DOCK10: variants seen among roughly 807,000 people sequenced by gnomAD.
The protein encoded by DOCK10 is dedicator of cytokinesis 10.
A neutral mutation model predicts 280.1 loss-of-function variants in DOCK10; 145 were observed. That is an observed-to-expected ratio of 0.52 (90% confidence interval 0.45 to 0.59). DOCK10 has a LOEUF of 0.59. DOCK10 is among the 20% of genes least tolerant of loss of function. The pLI, the probability that DOCK10 is intolerant of heterozygous loss-of-function variation, is 0.00. For missense variants in DOCK10, 2,368 were observed against 2,651.7 expected (o/e 0.89, Z 2.35); for synonymous variants, 915 against 942.2 (o/e 0.97, Z 0.53).
chr2:224,911,415 C>T (rs1304768035), intron 3 of DOCK10, among the ~76,000 whole-genome samples: 1 of 152,164 alleles, frequency 6.6e-6, no homozygotes, highest in East Asian at 1.9e-4. Context: ...CTCTGGGAAC[C>T]CTAGAATAGT....
intron 4 of DOCK10, among the ~76,000 whole-genome samples, chr2:224,886,735 T>C (rs1699307019): frequency 6.6e-6 from 1 of 152,224 alleles, no homozygotes; most frequent in South Asian, 2.1e-4. Context: ...TATAAATCTC[T>C]ATTTTAAACC....
chr2:225,000,225 GACACAC>G (rs10531607), intron 1 of DOCK10, among the ~76,000 whole-genome samples: 5 of 144,550 alleles, frequency 3.5e-5, no homozygotes, highest in African/African-American at 1.1e-4. Context: ...CACACACACA[GACACAC>G]ACACACACAC....
At chr2:224,918,195 G>C (rs1182047116) in intron 2 of DOCK10, among the ~76,000 whole-genome samples, 1 of 152,174 alleles carries the variant, frequency 6.6e-6, no homozygotes, top group Non-Finnish European at 1.5e-5. Context: ...TGTAAGTGCA[G>C]GACATTTTAT....
chr2:224,962,995 C>T (rs1704535241), intron 1 of DOCK10, among the ~76,000 whole-genome samples: 1 of 151,968 alleles, frequency 6.6e-6, no homozygotes, highest in Non-Finnish European at 1.5e-5. Flanking sequence ...TGTATATAAA[C>T]CCTGGTTACT....
chr2:224,772,140 C>T (rs940391605), intron 53 of DOCK10, among the ~76,000 whole-genome samples: 7 of 151,864 alleles, frequency 4.6e-5, no homozygotes, highest in African/African-American at 1.5e-4. Flanking sequence ...AGGCTGGTCT[C>T]GAACTCTTGA....
At chr2:224,972,556 A>G (rs1705150496) in intron 1 of DOCK10, among the ~76,000 whole-genome samples, 1 of 152,188 alleles carries the variant, frequency 6.6e-6, no homozygotes, top group Non-Finnish European at 1.5e-5. Flanking sequence ...TCACAATTAA[A>G]AACACTGAGA....
At chr2:224,945,321 G>A (rs1444769687) in intron 1 of DOCK10, among the ~76,000 whole-genome samples, 4 of 152,200 alleles carry the variant, frequency 2.6e-5, no homozygotes, top group Non-Finnish European at 2.9e-5. Flanking sequence ...TATCTGACCA[G>A]TGGGGAGGAA....
Position 225,042,290 on chromosome 2 carries a change from C to G in DOCK10, c.85G>C (p.Ala29Pro). 1.5e-6 allele frequency: 2 copies of G among 1,342,998 alleles called. No individual in the cohort carries two copies. The highest frequency in any genetic ancestry group is 1.9e-6 in the Non-Finnish European group (2 of 1,044,704). 83.2% of individuals were successfully genotyped at this position (1,342,998 alleles called of 1,614,324 possible). ...CGGCTGCTGACTGCCACCGCGGCGG[C>G]GGACGCGGCGCTGTGCCGGAGCTCG... Reference protein sequence around the residue: ...AAELRHSAASAAAVAVSSRQQ... With the variant: ...AAELRHSAASPAAVAVSSRQQ... The change falls in exon 1 of 56, where the codon GCC (alanine) becomes CCC (proline). Residue 29 changes from alanine (A) to proline (P), a missense_variant. By Grantham distance (27) the Ala-to-Pro change is conservative. This residue lies in a region of DOCK10 where 1,209 missense variants were observed against 1,250.9 expected (regional missense o/e 0.97). Transcript: ENST00000258390. This position sits in a 1 kb window ranked among gnomAD's most constrained non-coding sequence, Gnocchi z 5.1.
At chr2:224,887,512 T>G (rs1239165407) in intron 4 of DOCK10, among the ~76,000 whole-genome samples, 4 of 152,230 alleles carry the variant, frequency 2.6e-5, no homozygotes, top group Admixed American at 2.6e-4. Context: ...TAAGTTTTCT[T>G]TGGCTTGATT....
intron 26 of DOCK10, among the ~76,000 whole-genome samples, 153 bp from the exon 27 acceptor site, chr2:224,830,765 A>G (rs1254791414): frequency 2.6e-5 from 4 of 152,134 alleles, no homozygotes; most frequent in Admixed American, 6.5e-5. Context: ...TCTCTATTAT[A>G]GTGGGATGAT....
At chr2:224,980,348 A>G (rs888063061) in intron 1 of DOCK10, among the ~76,000 whole-genome samples, 4 of 152,342 alleles carry the variant, frequency 2.6e-5, no homozygotes, top group African/African-American at 9.6e-5. Flanking sequence ...TGGAAAACAG[A>G]AAATATTTTC....
At chr2:224,948,872 C>T (rs1241792956) in intron 1 of DOCK10, among the ~76,000 whole-genome samples, 1 of 152,136 alleles carries the variant, frequency 6.6e-6, no homozygotes, top group South Asian at 2.1e-4. Context: ...AACTGTTAAG[C>T]GACTTTCTGT....
Position 224,947,182 on chromosome 2 carries a change from C to G in DOCK10, c.124-15514G>C, listed in dbSNP as rs576527445. The G allele has an allele frequency of 1.5e-4, 81 of 523,224 alleles. No individual in the cohort carries two copies. The Admixed American group carries it at 2.4e-3, about 16-fold the overall frequency. The allele number at this position is 523,224 out of a possible 1,614,324, so 32.4% of individuals were successfully genotyped here. Reference sequence around the variant, plus strand: ...TACTGCTTTTGTGCATATATCCTCCCTCTTCACCTGCAATAAAGCAACACA... The same window carrying G: ...TACTGCTTTTGTGCATATATCCTCCGTCTTCACCTGCAATAAAGCAACACA... On this transcript the variant is annotated intron_variant, in intron 1 of 55. Transcript: ENST00000258390.
chr2:225,029,076 C>T (rs1690002730), intron 1 of DOCK10, among the ~76,000 whole-genome samples: 1 of 152,270 alleles, frequency 6.6e-6, no homozygotes, highest in East Asian at 1.9e-4. Flanking sequence ...GGAGAAAATA[C>T]CCTGGGTTTG....
chr2:224,795,079 C>G lies in DOCK10; in HGVS notation c.4954G>C (p.Ala1652Pro). Residue 1652 changes from alanine to proline, a missense_variant, in exon 45 of 56, where the codon GCA becomes CCA. Physicochemically the swap from Ala to Pro is conservative, Grantham distance 27 (BLOSUM62 -1). Transcript: ENST00000258390. The stretch of plus-strand genomic sequence containing the variant: ...CGCTTAGTCAGGTCCTTCACCTCTG[C>G]TGGGAAATTGCTGTTCTTTGGAAAA... ...DKQMKNSNFP[A>P]EVKDLTKRIR... 6.2e-7 allele frequency: 1 copy of G among 1,613,842 alleles called. No homozygotes were observed. Among genetic ancestry groups the G allele is most frequent in the Non-Finnish European group, 8.5e-7 (1 of 1,179,798 alleles).
At chr2:224,841,573 T>G (rs958343838) in intron 23 of DOCK10, among the ~76,000 whole-genome samples, 2 of 152,198 alleles carry the variant, frequency 1.3e-5, no homozygotes, top group African/African-American at 4.8e-5. Flanking sequence ...TGATTCTGAT[T>G]TTCAATTATT....
intron 1 of DOCK10, among the ~76,000 whole-genome samples, chr2:225,027,566 G>A (rs1689951107): frequency 6.6e-6 from 1 of 152,098 alleles, no homozygotes; most frequent in Non-Finnish European, 1.5e-5. Flanking sequence ...TCATGATAGT[G>A]AGTCTCACAG....
chr2:225,029,322 C>T (rs533941658), intron 1 of DOCK10, among the ~76,000 whole-genome samples: 61 of 152,286 alleles, frequency 4.0e-4, no homozygotes, highest in African/African-American at 1.4e-3. Context: ...CAGGTGTGTA[C>T]CACCACAGTT....
At chr2:224,850,074 T>C (rs899187972) in intron 18 of DOCK10, among the ~76,000 whole-genome samples, 3 of 152,168 alleles carry the variant, frequency 2.0e-5, no homozygotes, top group Non-Finnish European at 1.5e-5. Context: ...TATATGCTCA[T>C]TGACATACTA....
Sources: allele counts gnomAD v4.1 joint callset (sites outside exome capture counted in the v4.1 genomes callset), GRCh38; gene constraint gnomAD v4.1.1; regional missense constraint gnomAD v4.1.1; non-coding constraint Gnocchi (gnomAD v3.1); transcripts MANE v1.5; gene names NCBI Gene and HGNC (gene_info 2026-07-23, HGNC 2026-07-21).